LRP1B: variants seen among roughly 807,000 people sequenced by gnomAD.
LRP1B encodes the protein LDL receptor related protein 1B, also known as low-density lipoprotein receptor-related protein 1B.
LRP1B carries 217 observed loss-of-function variants against 556.6 expected under a neutral mutation model. That is an observed-to-expected ratio of 0.39 (90% CI 0.35 to 0.44). LRP1B has a LOEUF of 0.44. Ranked by LOEUF, LRP1B falls within the 20% of genes least tolerant of loss-of-function variation. LRP1B has a pLI of 1.00. For synonymous variants in LRP1B, 2,047 were observed against 1,865.8 expected (o/e 1.10, Z -2.50); for missense variants, 5,053 against 5,620.8 (o/e 0.90, Z 3.23).
At chr2:141,265,479 G>C (rs921407230) in intron 3 of LRP1B, among the ~76,000 whole-genome samples, 2 of 152,206 alleles carry the variant, frequency 1.3e-5, no homozygotes, top group Non-Finnish European at 2.9e-5. Flanking sequence ...GCATGCATAA[G>C]AGCCTTGAGG....
intron 1 of LRP1B, among the ~76,000 whole-genome samples, chr2:142,062,688 C>A (rs896376796): frequency 6.6e-6 from 1 of 151,710 alleles, no homozygotes; most frequent in African/African-American, 2.4e-5. Flanking sequence ...AAACAAGTTT[C>A]TTGATTTATA....
chr2:142,111,345 G>A (rs886606769), intron 1 of LRP1B, among the ~76,000 whole-genome samples: 1 of 152,012 alleles, frequency 6.6e-6, no homozygotes, highest in African/African-American at 2.4e-5. Flanking sequence ...TTGAGGACAA[G>A]CAGACTGACT....
At chr2:141,947,589 G>A (rs1403484771) in intron 1 of LRP1B, among the ~76,000 whole-genome samples, 1 of 152,074 alleles carries the variant, frequency 6.6e-6, no homozygotes, top group African/African-American at 2.4e-5. Context: ...GAGAAAGTGA[G>A]ATCACTAGGG....
chr2:140,488,831 T>C (rs1362547206), intron 57 of LRP1B, among the ~76,000 whole-genome samples: 1 of 151,962 alleles, frequency 6.6e-6, no homozygotes. Context: ...TATGAGTAGC[T>C]GTAGTCTTAT....
intron 84 of LRP1B, among the ~76,000 whole-genome samples, chr2:140,287,237 C>T (rs1237165270): frequency 6.6e-6 from 1 of 151,646 alleles, no homozygotes. Flanking sequence ...GATAGGGGAT[C>T]TGATCAAAAA....
At chr2:141,280,435 A>C (rs1685469403) in intron 3 of LRP1B, among the ~76,000 whole-genome samples, 1 of 152,116 alleles carries the variant, frequency 6.6e-6, no homozygotes, top group South Asian at 2.1e-4. Flanking sequence ...AAACTAAACA[A>C]GTAAATAAAA....
At chr2:140,957,006 G>C (rs1029625520) in intron 18 of LRP1B, among the ~76,000 whole-genome samples, 1 of 151,668 alleles carries the variant, frequency 6.6e-6, no homozygotes, top group East Asian at 1.9e-4. Flanking sequence ...AAGAGTGCTA[G>C]GCACTAGGAA....
intron 1 of LRP1B, among the ~76,000 whole-genome samples, chr2:141,971,771 CCAG>C (rs1449830177): frequency 1.3e-5 from 2 of 151,426 alleles, no homozygotes. Flanking sequence ...AACTCATTCT[CCAG>C]CCTTTACTTC....
At chr2:140,378,112 T>A in intron 68 of LRP1B, 68 bp downstream of exon 68, 1 of 1,060,026 alleles carries the variant, frequency 9.4e-7, no homozygotes, top group Non-Finnish European at 1.4e-6. Flanking sequence ...CTTATTGGAC[T>A]GAATAATAAT....
chr2:141,110,019 T>C (rs1313671810), intron 7 of LRP1B, among the ~76,000 whole-genome samples: 1 of 151,636 alleles, frequency 6.6e-6, no homozygotes, highest in Non-Finnish European at 1.5e-5. Flanking sequence ...AGTCAGAGAG[T>C]GGGGAAAACT....
chr2:141,122,419 AAC>A (rs1293622065), intron 7 of LRP1B, among the ~76,000 whole-genome samples: 15 of 139,718 alleles, frequency 1.1e-4, no homozygotes, highest in South Asian at 2.3e-4. Flanking sequence ...AAAAAAAAAA[AAC>A]ATCAAAAAGT....
At chr2:141,553,899 T>A (rs180691055) in intron 2 of LRP1B, among the ~76,000 whole-genome samples, 3 of 111,280 alleles carry the variant, frequency 2.7e-5, no homozygotes, top group Non-Finnish European at 4.1e-5. Flanking sequence ...TATATCTATA[T>A]TAATATAGTT....
chr2:140,304,393 A>G (rs925072153), intron 83 of LRP1B, among the ~76,000 whole-genome samples: 1 of 152,100 alleles, frequency 6.6e-6, no homozygotes, highest in African/African-American at 2.4e-5. Flanking sequence ...TTTGATTTGT[A>G]TTTCTCTGAT....
chr2:141,159,649 T>TG (rs1404567509), intron 7 of LRP1B, among the ~76,000 whole-genome samples: 1 of 152,160 alleles, frequency 6.6e-6, no homozygotes, highest in African/African-American at 2.4e-5. Flanking sequence ...CATCACTTTT[T>TG]GGGGCTATTA....
intron 7 of LRP1B, among the ~76,000 whole-genome samples, chr2:141,114,757 C>T (rs1485371927): frequency 4.6e-5 from 7 of 152,104 alleles, no homozygotes. Context: ...CCCTCTTCTA[C>T]CCAGCATTTC....
intron 2 of LRP1B, among the ~76,000 whole-genome samples, chr2:141,685,651 T>C (rs964104530): frequency 2.6e-5 from 4 of 152,020 alleles, no homozygotes; most frequent in African/African-American, 9.7e-5. Flanking sequence ...AACAGGGATG[T>C]AGAAAGGTCA....
chr2:141,819,786 TG>T (rs1380489194), intron 1 of LRP1B, among the ~76,000 whole-genome samples: 6 of 152,216 alleles, frequency 3.9e-5, no homozygotes, highest in Non-Finnish European at 5.9e-5. Context: ...TTTGAAATGA[TG>T]GATATGCTAA....
rs767162594 is a variant in LRP1B at position 140,700,432 on chromosome 2, G to C, written c.6617C>G (p.Thr2206Ser). 61 of 1,613,080 alleles carry C rather than the reference G, an allele frequency of 3.8e-5. No individual in the cohort carries two copies. Among genetic ancestry groups the C allele is most frequent in the African/African-American group, 8.0e-5 (6 of 74,838 alleles). The stretch of plus-strand genomic sequence containing the variant: ...TGGCCTTATTGGGGAATTTAAATTG[G>C]TTTCATCAGAAAGATGTATACTTTT... ...ILKSIHLSDE[T>S]NLNSPIRPYE... Residue 2206 changes from threonine (T) to serine (S), a missense_variant, in exon 41 of 91, where the codon ACC becomes AGC. By Grantham distance (58) the Thr-to-Ser change is moderately conservative. Around this residue, in one of 5 missense-constraint regions of LRP1B, gnomAD observed 3,619 missense variants for 3,931.9 expected, o/e 0.92. Transcript: ENST00000389484.
intron 11 of LRP1B, among the ~76,000 whole-genome samples, chr2:141,040,151 A>G (rs148990770): frequency 3.0e-4 from 46 of 152,174 alleles, no homozygotes; most frequent in African/African-American, 9.9e-4. Flanking sequence ...ATTTCCTTTA[A>G]TAGTTGGTCA....
Sources: gnomAD v4.1 joint callset for allele counts (sites outside exome capture counted in the v4.1 genomes callset) on GRCh38, gnomAD v4.1.1 for gene constraint, gnomAD v4.1.1 regional missense constraint, MANE v1.5 for transcripts, NCBI Gene and HGNC (gene_info 2026-07-23, HGNC 2026-07-21) for gene names.